The following RALGAPA1 variants were observed in gnomAD, a reference collection of about 807,000 sequenced individuals.
RALGAPA1 encodes ral GTPase-activating protein subunit alpha-1.
In RALGAPA1, 52 loss-of-function variants were observed where a neutral mutation model predicts 269.6. That is an observed-to-expected ratio of 0.19 (90% CI 0.15 to 0.24). The LOEUF is 0.24. Among genes scored for constraint, RALGAPA1 ranks in the 10% least tolerant of loss-of-function variants. RALGAPA1 has a pLI of 1.00. For missense variants in RALGAPA1, 1,917 were observed against 3,013.9 expected, an observed-to-expected ratio of 0.64 and a Z score of 8.52; for synonymous variants, 817 against 1,008.3, an observed-to-expected ratio of 0.81 and a Z score of 3.60.
Position 35,775,691 on chromosome 14 carries a change from A to G in RALGAPA1, c.161T>C (p.Ile54Thr), listed in dbSNP as rs1319397224. Residue 54 changes from isoleucine (I) to threonine (T), a missense_variant, in exon 2 of 42, where the codon ATA becomes ACA. Ile to Thr is a moderately conservative substitution (Grantham distance 89). Transcript: ENST00000680220. ...AAAATTTTCAAAGAACACATAGTAT[A>G]TATGTGAAAAATGTTGGTCGAAAAA... is the stretch of plus-strand genomic sequence containing the variant. ...KQFFDQHFSH[I>T]YYVFFENFVT... The G allele has an allele frequency of 1.9e-6, 3 of 1,578,976 alleles. No homozygotes were observed. The highest frequency in any genetic ancestry group is 2.6e-6 in the Non-Finnish European group (3 of 1,168,476).
chr14:35,736,967 C>G (rs1175317594), intron 12 of RALGAPA1, among the ~76,000 whole-genome samples: 4 of 148,690 alleles, frequency 2.7e-5, no homozygotes, highest in Non-Finnish European at 4.4e-5. Flanking sequence ...ACCTGGGAGG[C>G]AGAGGTTGCA....
At chr14:35,766,372 G>A (rs763141760) in intron 4 of RALGAPA1, 89 of 1,393,330 alleles carry the variant, frequency 6.4e-5, no homozygotes, top group Non-Finnish European at 8.4e-5. Context: ...CTATGTATAG[G>A]TATTCCAGAG....
At chr14:35,691,937 T>G (rs1388351058) in intron 17 of RALGAPA1, among the ~76,000 whole-genome samples, 1 of 152,176 alleles carries the variant, frequency 6.6e-6, no homozygotes, top group Non-Finnish European at 1.5e-5. Flanking sequence ...CACTGAGAAA[T>G]TTTTCTAAGT....
intron 41 of RALGAPA1, among the ~76,000 whole-genome samples, chr14:35,541,120 A>G (rs2053949624): frequency 7.4e-6 from 1 of 134,314 alleles, no homozygotes; most frequent in African/African-American, 2.9e-5. Flanking sequence ...ATCTTGGCTC[A>G]CTGCAATCTC....
chr14:35,741,656 G>A (rs1049009440), intron 11 of RALGAPA1, among the ~76,000 whole-genome samples: 5 of 152,210 alleles, frequency 3.3e-5, no homozygotes, highest in African/African-American at 1.2e-4. Flanking sequence ...ACTTTATGGT[G>A]AAAGGCAAAT....
At chr14:35,659,484 G>C (rs1319925376) in intron 27 of RALGAPA1, among the ~76,000 whole-genome samples, 1 of 151,946 alleles carries the variant, frequency 6.6e-6, no homozygotes, top group Non-Finnish European at 1.5e-5. Flanking sequence ...AAGATTTTGA[G>C]AAATATCATT....
rs547208868 is a variant in RALGAPA1, at chr14:35,750,629, A to C, written c.864T>G (p.Asn288Lys). ...GCTCCTTTGTACAATAGATTGCTTC[A>C]TTGGTTTCAGCATCTTTCTTTATCA... Reference protein sequence around the residue: ...YVVIKKDAETNEAIYCTKEPF... With the variant: ...YVVIKKDAETKEAIYCTKEPF... The change falls in exon 9 of 42, where the codon AAT (asparagine) becomes AAG (lysine). Residue 288 changes from asparagine to lysine, a missense_variant. Asn to Lys is a moderately conservative substitution (Grantham distance 94). This residue lies in a region of RALGAPA1 where 462 missense variants were observed against 725.6 expected (regional missense o/e 0.64). Transcript: ENST00000680220. 1.9e-6 allele frequency: 3 copies of C among 1,613,482 alleles called. No individual in the cohort carries two copies. The South Asian group carries it at 3.3e-5, about 18-fold the overall frequency.
chr14:35,808,645 G>A (rs980918040), intron 1 of RALGAPA1, 85 bp downstream of exon 1: 13 of 1,438,766 alleles, frequency 9.0e-6, no homozygotes, highest in African/African-American at 5.7e-5. Context: ...ACCGCGCCAG[G>A]TCCCGAGAGA....
At chr14:35,729,281 A>AT in intron 12 of RALGAPA1, among the ~76,000 whole-genome samples, 1 of 152,316 alleles carries the variant, frequency 6.6e-6, no homozygotes, top group Admixed American at 6.5e-5. Flanking sequence ...AAAATGGAAA[A>AT]AACTGATTAT....
chr14:35,621,858 G>A (rs1323341310), intron 35 of RALGAPA1, among the ~76,000 whole-genome samples: 1 of 152,144 alleles, frequency 6.6e-6, no homozygotes, highest in Non-Finnish European at 1.5e-5. Context: ...AAAAAGTCAG[G>A]AAACAACAGA....
At chr14:35,676,567 T>C (rs184422085) in intron 22 of RALGAPA1, 1 of 152,356 alleles carries the variant, frequency 6.6e-6, no homozygotes, top group East Asian at 1.9e-4. Context: ...AAGGGCATTA[T>C]TGGGACAATT....
chr14:35,654,325 A>C, intron 30 of RALGAPA1, 42 bp downstream of exon 30: 1 of 1,512,224 alleles, frequency 6.6e-7, no homozygotes, highest in Non-Finnish European at 8.8e-7. Flanking sequence ...AAATCTAAAA[A>C]AATTTAACAA....
chr14:35,803,179 T>C (rs1476656848), intron 1 of RALGAPA1, among the ~76,000 whole-genome samples: 1 of 151,656 alleles, frequency 6.6e-6, no homozygotes, highest in Non-Finnish European at 1.5e-5. Context: ...AAAATAAGAG[T>C]CCAGAAATAG....
rs2077068273 is a variant in RALGAPA1, at chr14:35,802,717, T to C, written c.106+6013A>G. Reference sequence around the variant, plus strand: ...TAAAAAAAAAAATACAGTGTCACTGTGTCACCCAGGCTGGAGTGCAGTGGT... The same window carrying C: ...TAAAAAAAAAAATACAGTGTCACTGCGTCACCCAGGCTGGAGTGCAGTGGT... On this transcript the variant is annotated intron_variant, in intron 1 of 41. Coordinates refer to ENST00000680220, the MANE Select transcript of RALGAPA1 (RefSeq NM_001346249.2). Among the ~76,000 whole-genome samples, 3 of 150,834 alleles carry C rather than the reference T, an allele frequency of 2.0e-5. No individual in the cohort carries two copies. In the South Asian group the frequency reaches 6.3e-4, roughly 32 times the overall value.
chr14:35,746,240 G>A (rs1202804159), intron 10 of RALGAPA1, among the ~76,000 whole-genome samples: 2 of 152,196 alleles, frequency 1.3e-5, no homozygotes, highest in African/African-American at 4.8e-5. Flanking sequence ...GAATGGTAGT[G>A]ACTAAGGGCT....
chr14:35,763,204 T>G (rs1248647636), intron 4 of RALGAPA1, among the ~76,000 whole-genome samples: 1 of 152,174 alleles, frequency 6.6e-6, no homozygotes, highest in East Asian at 1.9e-4. Flanking sequence ...TCCTTTTTTC[T>G]TTTAAATTAT....
chr14:35,631,769 T>G (rs1466591804), intron 33 of RALGAPA1, among the ~76,000 whole-genome samples: 1 of 152,158 alleles, frequency 6.6e-6, no homozygotes, highest in Non-Finnish European at 1.5e-5. Context: ...GTTAAAAACT[T>G]TTACATACAA....
chr14:35,541,218 T>C (rs2053965517), intron 41 of RALGAPA1, among the ~76,000 whole-genome samples: 1 of 151,740 alleles, frequency 6.6e-6, no homozygotes, highest in Non-Finnish European at 1.5e-5. Flanking sequence ...GCTAATTTTT[T>C]TGTATTTTAG....
Position 35,595,727 on chromosome 14 carries a change from C to T in RALGAPA1, c.7116G>A (p.Leu2372=). The T allele has an allele frequency of 6.2e-7, 1 of 1,612,328 alleles. No homozygotes were observed. The highest frequency in any genetic ancestry group is 2.2e-5 in the East Asian group (1 of 44,808). The change falls in exon 37 of 42, where the codon TTG becomes TTA. Residue 2372 remains leucine (L), a synonymous_variant. Transcript: ENST00000680220. ...GGLQKNKSTG[L]TTPYFATSTV... ...TAGAGGTAGCAAAATATGGAGTGGTCAATCCAGTGCTTTTGTTTTTTTGTA... is the reference window on the plus strand; with the variant it reads ...TAGAGGTAGCAAAATATGGAGTGGTTAATCCAGTGCTTTTGTTTTTTTGTA...
Sources: allele counts gnomAD v4.1 joint callset (sites outside exome capture counted in the v4.1 genomes callset), GRCh38; gene constraint gnomAD v4.1.1; regional missense constraint gnomAD v4.1.1; transcripts MANE v1.5; gene names NCBI Gene and HGNC (gene_info 2026-07-23, HGNC 2026-07-21).